Variants in NPSR1 observed in about 807,000 individuals in gnomAD.
NPSR1 encodes neuropeptide S receptor.
In NPSR1, 48 loss-of-function variants were observed where a neutral mutation model predicts 46.9. That is an observed-to-expected ratio of 1.02 (90% CI 0.81 to 1.30). The LOEUF (loss-of-function observed/expected upper bound fraction) is 1.30, where lower values mean the gene tolerates loss of function less well. NPSR1 is among the 50% of genes most tolerant of loss of function. The probability of loss-of-function intolerance (pLI) is 0.00; values close to 1 mark genes in which losing one functional copy is unlikely to be tolerated. For synonymous variants in NPSR1, 176 were observed against 168.1 expected (o/e 1.05, Z -0.36); for missense variants, 450 against 449.5 (o/e 1.00, Z -0.01).
intron 2 of NPSR1, among the ~76,000 whole-genome samples, chr7:34,687,884 A>G (rs1477213967): frequency 6.6e-6 from 1 of 152,220 alleles, no homozygotes; most frequent in South Asian, 2.1e-4. Flanking sequence ...AGAAAATTTT[A>G]TGAGATAAAT....
intron 6 of NPSR1, among the ~76,000 whole-genome samples, chr7:34,840,073 T>C (rs1790510355): frequency 6.6e-6 from 1 of 152,070 alleles, no homozygotes; most frequent in South Asian, 2.1e-4. Flanking sequence ...GAAAGGGCTA[T>C]CTGGTGGGTT....
Position 34,658,275 on chromosome 7 carries a change from T to C in NPSR1, c.-138T>C. ...CCTCCCTGTCATCAGGCAGAGCTCT[T>C]CAGTGAGGTGGGCTCAGGGAGGGCT... On this transcript the variant is annotated 5_prime_UTR_variant, in exon 1 of 9. Coordinates refer to ENST00000360581, the MANE Select transcript of NPSR1 (RefSeq NM_207172.2). 1 of 852,532 alleles carries C rather than the reference T, an allele frequency of 1.2e-6. No individual in the cohort carries two copies. The highest frequency in any genetic ancestry group is 1.8e-6 in the Non-Finnish European group (1 of 549,286). 52.8% of individuals were successfully genotyped at this position (852,532 alleles called of 1,614,324 possible).
At chr7:34,849,541 C>T in intron 8 of NPSR1, 24 bp from the exon 9 acceptor site, 1 of 1,613,592 alleles carries the variant, frequency 6.2e-7, no homozygotes, top group Non-Finnish European at 8.5e-7. Flanking sequence ...ATTTCCCTCC[C>T]TGCTTTATTT....
chr7:34,844,365 G>GA (rs971992943), intron 6 of NPSR1, among the ~76,000 whole-genome samples: 19 of 151,822 alleles, frequency 1.3e-4, no homozygotes, highest in African/African-American at 4.4e-4. Context: ...CAGTCTACAT[G>GA]AAAAAAATGT....
chr7:34,714,033 G>A (rs1783430702), intron 2 of NPSR1, among the ~76,000 whole-genome samples: 2 of 152,350 alleles, frequency 1.3e-5, no homozygotes, highest in Non-Finnish European at 2.9e-5. Flanking sequence ...CAGTGAGGTG[G>A]CTCATCTTTT....
intron 2 of NPSR1, among the ~76,000 whole-genome samples, chr7:34,685,432 A>G (rs1180781500): frequency 6.6e-6 from 1 of 152,236 alleles, no homozygotes; most frequent in Non-Finnish European, 1.5e-5. Flanking sequence ...AGCATAAGCC[A>G]CACTTGGAGT....
intron 4 of NPSR1, among the ~76,000 whole-genome samples, chr7:34,815,076 T>C (rs1457659882): frequency 1.3e-5 from 2 of 152,072 alleles, no homozygotes; most frequent in Non-Finnish European, 2.9e-5. Context: ...CTTTGACGAG[T>C]TGACAGAAGT....
At chr7:34,757,577 G>A (rs141384691) in intron 2 of NPSR1, among the ~76,000 whole-genome samples, 136 of 152,296 alleles carry the variant, frequency 8.9e-4, no homozygotes, top group Middle Eastern at 3.4e-3. Flanking sequence ...CCTTCCCAAG[G>A]AATAAATCCA....
Position 34,848,484 on chromosome 7 carries a change from C to T in NPSR1, c.846C>T (p.Ala282=), listed in dbSNP as rs758823260. 5.0e-6 allele frequency: 8 copies of T among 1,613,890 alleles called. No homozygotes were observed. In the African/African-American group the frequency reaches 8.0e-5, roughly 16 times the overall value. ...GCTAATGGCTCTCTTCTCCCCCAGCCTTCATCTGCTGTTGGAGTCCATACT... is the reference window on the plus strand; with the variant it reads ...GCTAATGGCTCTCTTCTCCCCCAGCTTTCATCTGCTGTTGGAGTCCATACT... ...AIKYSIIIIL[A]FICCWSPYFL... Residue 282 remains alanine (A), a splice_region_variant and synonymous_variant, in exon 8 of 9, where the codon GCC becomes GCT. Coordinates refer to ENST00000360581, the MANE Select transcript of NPSR1 (RefSeq NM_207172.2).
At chr7:34,791,081 A>C (rs1787815794) in intron 3 of NPSR1, among the ~76,000 whole-genome samples, 1 of 100,758 alleles carries the variant, frequency 9.9e-6, no homozygotes, top group Non-Finnish European at 1.8e-5. Flanking sequence ...TATATATGTT[A>C]TATGTTATAT....
intron 8 of NPSR1, among the ~76,000 whole-genome samples, chr7:34,862,718 C>A (rs1330157068): frequency 1.3e-5 from 2 of 151,756 alleles, no homozygotes; most frequent in Non-Finnish European, 2.9e-5. Context: ...TATTCCATTT[C>A]TCTTTCCTAA....
At chr7:34,760,691 C>T (rs1218082465) in intron 2 of NPSR1, among the ~76,000 whole-genome samples, 1 of 152,156 alleles carries the variant, frequency 6.6e-6, no homozygotes, top group Non-Finnish European at 1.5e-5. Context: ...TTTTGTGCTT[C>T]CTAGTTAGTG....
chr7:34,789,753 A>AAAAAAAAAAAAT, intron 3 of NPSR1, among the ~76,000 whole-genome samples: 1 of 151,286 alleles, frequency 6.6e-6, no homozygotes. Flanking sequence ...AAAAAAAAAA[A>AAAAAAAAAAAAT]AAAAAAAAAA....
chr7:34,774,888 AACACAAAGAGGCCTACCAGGT>A (rs2128735068), intron 2 of NPSR1, among the ~76,000 whole-genome samples: 1 of 152,298 alleles, frequency 6.6e-6, no homozygotes, highest in African/African-American at 2.4e-5. Flanking sequence ...TTGCCTCCAA[AACACAAAGAGGCCTACCAGGT>A]ATCTTGCTCT....
At chr7:34,824,664 G>T (rs558016178) in intron 4 of NPSR1, among the ~76,000 whole-genome samples, 1 of 152,270 alleles carries the variant, frequency 6.6e-6, no homozygotes, top group Admixed American at 6.5e-5. Context: ...TCTCTTCCCT[G>T]TCCATCCCTC....
chr7:34,752,011 C>T (rs1785562711), intron 2 of NPSR1: 3 of 777,872 alleles, frequency 3.9e-6, no homozygotes, highest in African/African-American at 3.4e-5. Context: ...GCATGGCACA[C>T]CTGCTGGGCC....
chr7:34,844,596 C>T (rs1210344066), intron 6 of NPSR1, among the ~76,000 whole-genome samples: 1 of 152,190 alleles, frequency 6.6e-6, no homozygotes, highest in East Asian at 1.9e-4. Flanking sequence ...GCCCTCAGCT[C>T]CTGCATGGTC....
At chr7:34,675,419 C>A (rs1792266785) in intron 1 of NPSR1, among the ~76,000 whole-genome samples, 1 of 152,220 alleles carries the variant, frequency 6.6e-6, no homozygotes, top group Non-Finnish European at 1.5e-5. Flanking sequence ...TCCAGACTAG[C>A]CTGACAGATC....
chr7:34,668,978 C>T (rs536461826), intron 1 of NPSR1, among the ~76,000 whole-genome samples: 13 of 152,276 alleles, frequency 8.5e-5, no homozygotes, highest in Non-Finnish European at 1.8e-4. Flanking sequence ...CAGGCATTAT[C>T]CTCTTTGATT....
Sources: gnomAD v4.1 joint callset for allele counts (sites outside exome capture counted in the v4.1 genomes callset) on GRCh38, gnomAD v4.1.1 for gene constraint, MANE v1.5 for transcripts, NCBI Gene and HGNC (gene_info 2026-07-23, HGNC 2026-07-21) for gene names.